Variants in SLC12A1 observed in about 807,000 individuals in gnomAD.
SLC12A1 encodes the protein solute carrier family 12 member 1.
SLC12A1 carries 89 observed loss-of-function variants against 130.4 expected under a neutral mutation model. That is an observed-to-expected ratio of 0.68 (90% CI 0.58 to 0.81). SLC12A1 has a LOEUF of 0.81. Ranked by LOEUF, SLC12A1 falls within the 40% of genes least tolerant of loss-of-function variation. SLC12A1 has a pLI of 0.00. For synonymous variants in SLC12A1, 499 were observed against 460.0 expected (o/e 1.08, Z -1.09); for missense variants, 1,310 against 1,336.4 (o/e 0.98, Z 0.31).
At chr15:48,293,096 A>T (rs900210275) in intron 24 of SLC12A1, among the ~76,000 whole-genome samples, 8 of 152,138 alleles carry the variant, frequency 5.3e-5, no homozygotes, top group African/African-American at 1.9e-4. Context: ...TTTGGTAGAG[A>T]CAGGCTTTCG....
chr15:48,286,214 A>G (rs2042057427), intron 21 of SLC12A1, among the ~76,000 whole-genome samples: 1 of 152,190 alleles, frequency 6.6e-6, no homozygotes, highest in East Asian at 1.9e-4. Context: ...CACCTGTAAT[A>G]TAATAGTTTT....
intron 2 of SLC12A1, among the ~76,000 whole-genome samples, chr15:48,213,191 A>C (rs143189736): frequency 3.0e-4 from 45 of 152,306 alleles, no homozygotes; most frequent in African/African-American, 1.1e-3. Flanking sequence ...CTTGATCTTC[A>C]GTTCTACTTT....
At chr15:48,256,878 C>T (rs1179529238) in intron 16 of SLC12A1, among the ~76,000 whole-genome samples, 1 of 127,574 alleles carries the variant, frequency 7.8e-6, no homozygotes, top group African/African-American at 2.9e-5. Context: ...GCCTTCCCAA[C>T]AGTCCCCCAA....
chr15:48,225,988 A>G, intron 4 of SLC12A1: 1 of 576,468 alleles, frequency 1.7e-6, no homozygotes, highest in Non-Finnish European at 2.2e-6. Context: ...TGTAAGGTAA[A>G]GGCAACACAG....
chr15:48,238,454 G>A (rs775643408), intron 9 of SLC12A1, among the ~76,000 whole-genome samples: 9 of 152,072 alleles, frequency 5.9e-5, no homozygotes, highest in Non-Finnish European at 1.3e-4. Flanking sequence ...AGTATTAATG[G>A]TAAAAAGCAA....
In SLC12A1 at chr15:48,291,530, G is replaced by C. The variant is rs548544552; in HGVS notation, c.2874-248G>C. 9.2e-5 allele frequency among the ~76,000 whole-genome samples: 14 copies of C among 152,206 alleles called. No individual in the cohort carries two copies. In the South Asian group the frequency reaches 2.9e-3, roughly 32 times the overall value. On this transcript the variant is annotated intron_variant, in intron 23 of 26. Coordinates refer to ENST00000380993, the MANE Select transcript of SLC12A1 (RefSeq NM_000338.3). The stretch of plus-strand genomic sequence containing the variant: ...TTCCCTGTGACATAAATGCAGAGTT[G>C]GATTGGCTGTTGCCAGTGTCTGCAC...
At chr15:48,271,016 G>T (rs1357369738) in intron 19 of SLC12A1, among the ~76,000 whole-genome samples, 1 of 150,930 alleles carries the variant, frequency 6.6e-6, no homozygotes, top group Non-Finnish European at 1.5e-5. Flanking sequence ...CTGAGGTCAG[G>T]AGTTCCAGAC....
intron 19 of SLC12A1, 148 bp downstream of exon 19, chr15:48,269,912 GA>G (rs199865769): frequency 3.1e-5 from 14 of 445,152 alleles, no homozygotes; most frequent in South Asian, 1.9e-4. Flanking sequence ...TTTCCAAGGT[GA>G]AAAAAACACC....
At chr15:48,225,999 G>A in intron 4 of SLC12A1, 1 of 523,818 alleles carries the variant, frequency 1.9e-6, no homozygotes, top group African/African-American at 2.1e-5. Flanking sequence ...GGCAACACAG[G>A]CTCTAACAGT....
intron 19 of SLC12A1, among the ~76,000 whole-genome samples, chr15:48,271,484 T>C (rs896596170): frequency 2.0e-5 from 3 of 151,434 alleles, no homozygotes; most frequent in African/African-American, 7.3e-5. Flanking sequence ...AGGCTATTTC[T>C]TCTACCCCTT....
chr15:48,266,617 A>T (rs777042113), intron 17 of SLC12A1, among the ~76,000 whole-genome samples: 5 of 152,160 alleles, frequency 3.3e-5, no homozygotes, highest in South Asian at 2.1e-4. Context: ...GCTGCATTTT[A>T]TCAAGATCCC....
intron 24 of SLC12A1, among the ~76,000 whole-genome samples, chr15:48,292,871 G>C (rs555904027): frequency 6.6e-6 from 1 of 152,300 alleles, no homozygotes; most frequent in African/African-American, 2.4e-5. Flanking sequence ...GAATTTGGGT[G>C]GGGGGACACA....
At chr15:48,274,479 A>G (rs181764351) in intron 19 of SLC12A1, 92 bp from the exon 20 acceptor site, 310 of 805,212 alleles carry the variant, frequency 3.8e-4, no homozygotes, top group Non-Finnish European at 5.8e-4. Context: ...GTTTCATTAT[A>G]TCAAAATCCT....
At chr15:48,269,060 A>G (rs1357334163) in intron 18 of SLC12A1, among the ~76,000 whole-genome samples, 1 of 152,200 alleles carries the variant, frequency 6.6e-6, no homozygotes, top group Non-Finnish European at 1.5e-5. Flanking sequence ...GGTGCTTAGT[A>G]ATATTGTTGA....
chr15:48,229,314 G>T lies in SLC12A1; in HGVS notation c.850G>T (p.Val284Leu). The change falls in exon 6 of 27, where the codon GTA (valine) becomes TTA (leucine). Residue 284 changes from valine (V) to leucine (L), a missense_variant. By Grantham distance (32) the Val-to-Leu change is conservative (BLOSUM62 1). Coordinates refer to ENST00000380993, the MANE Select transcript of SLC12A1 (RefSeq NM_000338.3). ...TGTGGTGGGATTTGCTGAGACTGTA[G>T]TAGATCTTCTTAAGGTAATTAAAAG... ...MYVVGFAETV[V>L]DLLKESDSMM... The T allele has an allele frequency of 6.2e-7, 1 of 1,601,326 alleles. No individual in the cohort carries two copies. The highest frequency in any genetic ancestry group is 1.7e-5 in the Admixed American group (1 of 57,958).
chr15:48,260,833 C>A (rs2141078228), intron 17 of SLC12A1, among the ~76,000 whole-genome samples: 1 of 152,342 alleles, frequency 6.6e-6, no homozygotes, highest in East Asian at 1.9e-4. Flanking sequence ...TCATCATGAT[C>A]AGCACTTAAG....
chr15:48,227,074 T>C, intron 5 of SLC12A1: 1 of 1,548,924 alleles, frequency 6.5e-7, no homozygotes, highest in Non-Finnish European at 8.7e-7. Context: ...TGGGGGATTT[T>C]GCAGGTCTTG....
chr15:48,288,207 G>T (rs1214120581), intron 22 of SLC12A1, 33 bp downstream of exon 22: 33 of 1,593,056 alleles, frequency 2.1e-5, no homozygotes, highest in Non-Finnish European at 2.7e-5. Context: ...CTAGGGACAA[G>T]AATTTCAATT....
Position 48,208,096 on chromosome 15 carries a change from T to C in SLC12A1, c.377T>C (p.Val126Ala), listed in dbSNP as rs1192262204. 6.2e-7 allele frequency: 1 copy of C among 1,609,114 alleles called. No homozygotes were observed. The highest frequency in any genetic ancestry group is 8.5e-7 in the Non-Finnish European group (1 of 1,176,786). Residue 126 changes from valine to alanine, a missense_variant, in exon 2 of 27, where the codon GTC (valine) becomes GCC (alanine). Coordinates refer to ENST00000380993, the MANE Select transcript of SLC12A1 (RefSeq NM_000338.3). ...ACCGGCAGCATCAGTGGGCCCAAGG[T>C]CAACCGACCCAGCCTGCTTGAGATT... Reference protein sequence around the residue: ...RNTGSISGPKVNRPSLLEIHE... With the variant: ...RNTGSISGPKANRPSLLEIHE...
Sources: gnomAD v4.1 joint callset for allele counts (sites outside exome capture counted in the v4.1 genomes callset) on GRCh38, gnomAD v4.1.1 for gene constraint, MANE v1.5 for transcripts, NCBI Gene and HGNC (gene_info 2026-07-23, HGNC 2026-07-21) for gene names.